ROBO1: variants seen among roughly 807,000 people sequenced by gnomAD.
ROBO1 encodes the protein roundabout guidance receptor 1.
Under a neutral mutation model 195.9 loss-of-function variants are expected in ROBO1, and 149 were observed. The observed-to-expected ratio is 0.76, with a 90% CI of 0.67 to 0.87. The LOEUF (loss-of-function observed/expected upper bound fraction) is 0.87, where lower values mean the gene tolerates loss of function less well. Ranked by LOEUF, ROBO1 falls within the 40% of genes least tolerant of loss-of-function variation. ROBO1 has a pLI of 0.00. For synonymous variants in ROBO1, 816 were observed against 733.2 expected, an observed-to-expected ratio of 1.11 and a Z score of -1.82; for missense variants, 1,933 against 2,068.3, an observed-to-expected ratio of 0.93 and a Z score of 1.27.
chr3:79,524,454 A>G (rs763940601), intron 2 of ROBO1, among the ~76,000 whole-genome samples: 14 of 152,098 alleles, frequency 9.2e-5, no homozygotes, highest in Admixed American at 2.6e-4. Context: ...CTATCATAAA[A>G]TTGAAAAATC....
At chr3:78,741,590 C>T (rs1276586877) in intron 5 of ROBO1, among the ~76,000 whole-genome samples, 2 of 152,032 alleles carry the variant, frequency 1.3e-5, no homozygotes, top group Non-Finnish European at 2.9e-5. Flanking sequence ...AATAAAGTAT[C>T]TTGAACTTAA....
At chr3:78,953,964 G>A (rs2040917296) in intron 3 of ROBO1, among the ~76,000 whole-genome samples, 2 of 151,824 alleles carry the variant, frequency 1.3e-5, no homozygotes, top group African/African-American at 4.8e-5. Context: ...CTCTTTTCTG[G>A]AATTACATTA....
rs192226066 is a variant in ROBO1, at chr3:79,433,807, C to T, written c.88+156017G>A. Among the ~76,000 whole-genome samples the T allele has an allele frequency of 2.5e-4, 38 of 152,302 alleles. 2 individuals are homozygous for T. Among genetic ancestry groups the T allele is most frequent in the Admixed American group, 2.0e-3 (31 of 15,292 alleles). ...CGCTATCTGACTTCAAACTATACTA[C>T]AAGGCTACAGTAACCAAAACAGCAT... On this transcript the variant is annotated intron_variant, in intron 2 of 30. Coordinates refer to ENST00000464233, the MANE Select transcript of ROBO1 (RefSeq NM_002941.4).
chr3:78,856,083 A>G (rs1279222006), intron 4 of ROBO1, among the ~76,000 whole-genome samples: 5 of 151,986 alleles, frequency 3.3e-5, no homozygotes, highest in African/African-American at 4.8e-5. Context: ...CAGAGTAACA[A>G]ATTACATTCT....
At chr3:79,704,065 T>G (rs1947696728) in intron 1 of ROBO1, among the ~76,000 whole-genome samples, 2 of 151,986 alleles carry the variant, frequency 1.3e-5, no homozygotes, top group Non-Finnish European at 2.9e-5. Flanking sequence ...TAATATTTAA[T>G]TTTTATAGAG....
At chr3:79,219,543 G>A (rs1205590747) in intron 2 of ROBO1, among the ~76,000 whole-genome samples, 2 of 151,892 alleles carry the variant, frequency 1.3e-5, no homozygotes, top group Admixed American at 1.3e-4. Flanking sequence ...GATTCAAAAG[G>A]GCTAAGTTGA....
chr3:78,713,440 T>C (rs1362063791), intron 8 of ROBO1, among the ~76,000 whole-genome samples: 1 of 152,120 alleles, frequency 6.6e-6, no homozygotes, highest in East Asian at 1.9e-4. Flanking sequence ...ACAAGCTAAA[T>C]GGTTTATGGC....
intron 1 of ROBO1, among the ~76,000 whole-genome samples, chr3:79,697,713 G>A (rs1947488624): frequency 1.3e-5 from 2 of 151,052 alleles, no homozygotes; most frequent in Admixed American, 1.3e-4. Context: ...TTCATAACAA[G>A]GAATTATAAC....
chr3:79,630,094 A>G (rs1273747298), intron 1 of ROBO1, among the ~76,000 whole-genome samples: 1 of 152,046 alleles, frequency 6.6e-6, no homozygotes, highest in African/African-American at 2.4e-5. Flanking sequence ...AAACTATTCT[A>G]AAAACAAACA....
chr3:79,324,127 C>A (rs545072300), intron 2 of ROBO1, among the ~76,000 whole-genome samples: 33 of 152,202 alleles, frequency 2.2e-4, no homozygotes, highest in African/African-American at 6.7e-4. Flanking sequence ...CCCATGCCGT[C>A]CTTTCAAATT....
At chr3:79,005,067 G>T (rs1261635241) in intron 3 of ROBO1, among the ~76,000 whole-genome samples, 2 of 152,126 alleles carry the variant, frequency 1.3e-5, no homozygotes, top group African/African-American at 2.4e-5. Context: ...AAATAACGAA[G>T]AATCCGTTAT....
chr3:78,708,919 T>C (rs2081615321), intron 8 of ROBO1, among the ~76,000 whole-genome samples: 1 of 152,174 alleles, frequency 6.6e-6, no homozygotes, highest in East Asian at 1.9e-4. Flanking sequence ...ATGCTACAGT[T>C]CAAAAATAAC....
At chr3:79,111,522 T>G (rs895614288) in intron 3 of ROBO1, among the ~76,000 whole-genome samples, 13 of 152,030 alleles carry the variant, frequency 8.6e-5, no homozygotes, top group African/African-American at 2.7e-4. Flanking sequence ...AATTACTCAT[T>G]CACTTTGTAT....
At chr3:78,803,033 C>T (rs1196371399) in intron 4 of ROBO1, among the ~76,000 whole-genome samples, 3 of 152,200 alleles carry the variant, frequency 2.0e-5, no homozygotes, top group Admixed American at 2.0e-4. Context: ...TGAAAAGAAA[C>T]GAGTACTCTC....
intron 3 of ROBO1, among the ~76,000 whole-genome samples, chr3:79,123,319 T>G (rs549690648): frequency 1.3e-5 from 2 of 152,092 alleles, no homozygotes; most frequent in South Asian, 4.1e-4. Context: ...ATTCATACAT[T>G]CAGACATTCA....
Position 78,659,750 on chromosome 3 carries a change from G to A in ROBO1, c.2378C>T (p.Ala793Val), listed in dbSNP as rs1397053765. The change falls in exon 17 of 31, where the codon GCA becomes GTA. Residue 793 changes from alanine (A) to valine (V), a missense_variant. Around this residue, in one of 3 missense-constraint regions of ROBO1, gnomAD observed 1,737 missense variants for 1,882.5 expected, o/e 0.92. Transcript: ENST00000464233. The stretch of plus-strand genomic sequence containing the variant: ...AGGTGGCTGCCAACTAACTAGAATT[G>A]CAGTTCCGTTTCCATCATTCTTGGA... ...TVSKNDGNGT[A>V]ILVSWQPPPE... 2.5e-6 allele frequency: 4 copies of A among 1,596,624 alleles called. No homozygotes were observed. Among genetic ancestry groups the A allele is most frequent in the Admixed American group, 3.5e-5 (2 of 57,842 alleles).
intron 3 of ROBO1, among the ~76,000 whole-genome samples, chr3:78,971,761 T>A (rs2076773150): frequency 6.6e-6 from 1 of 152,056 alleles, no homozygotes; most frequent in African/African-American, 2.4e-5. Flanking sequence ...TTGTTGTTGT[T>A]GTTGTTTGTT....
At chr3:79,525,948 G>C (rs979883784) in intron 2 of ROBO1, among the ~76,000 whole-genome samples, 1 of 152,030 alleles carries the variant, frequency 6.6e-6, no homozygotes, top group Non-Finnish European at 1.5e-5. Flanking sequence ...AATTATCTAA[G>C]TTAATTTTCT....
chr3:78,698,945 A>G (rs1383444589), intron 8 of ROBO1, among the ~76,000 whole-genome samples: 3 of 152,194 alleles, frequency 2.0e-5, no homozygotes. Flanking sequence ...ATTCAAATGC[A>G]ACTACCCAGC....
Sources: gnomAD v4.1 joint callset for allele counts (sites outside exome capture counted in the v4.1 genomes callset) on GRCh38, gnomAD v4.1.1 for gene constraint, gnomAD v4.1.1 regional missense constraint, MANE v1.5 for transcripts, NCBI Gene and HGNC (gene_info 2026-07-23, HGNC 2026-07-21) for gene names.